SLC24A2: variants seen among roughly 807,000 people sequenced by gnomAD.
SLC24A2 encodes the protein solute carrier family 24 member 2, also known as sodium/potassium/calcium exchanger 2.
A neutral mutation model predicts 62.0 loss-of-function variants in SLC24A2; 36 were observed. The ratio of observed to expected loss-of-function variants is 0.58; its 90% CI spans 0.44 to 0.77. SLC24A2 has a LOEUF of 0.77. Ranked by LOEUF, SLC24A2 falls within the 30% of genes least tolerant of loss-of-function variation. The probability of loss-of-function intolerance (pLI) is 0.00; values close to 1 mark genes in which losing one functional copy is unlikely to be tolerated. For missense variants in SLC24A2, 846 were observed against 817.9 expected, an observed-to-expected ratio of 1.03 and a Z score of -0.42; for synonymous variants, 358 against 294.0, an observed-to-expected ratio of 1.22 and a Z score of -2.23.
chr9:20,259,907 G>A, the SLC24A2 span, among the ~76,000 whole-genome samples: 198 of 152,220 alleles, frequency 1.3e-3, no homozygotes, highest in African/African-American at 4.6e-3. Context: ...TGGGCAACAT[G>A]GCAAAGCCCC....
At chr9:19,814,804 G>T in the SLC24A2 span, among the ~76,000 whole-genome samples, 1 of 152,138 alleles carries the variant, frequency 6.6e-6, no homozygotes, top group Non-Finnish European at 1.5e-5. Context: ...TCCTGTCTAT[G>T]AAGTAAAAAA....
rs1318505339 is a variant in SLC24A2 at position 19,566,537 on chromosome 9, T to G, written c.1347+6814A>C. ...TGGGACTGTAAACTAGTTCAACCATTGTGGAAGACAGTGTGGCGATTCCTC... is the reference window on the plus strand; with the variant it reads ...TGGGACTGTAAACTAGTTCAACCATGGTGGAAGACAGTGTGGCGATTCCTC... On this transcript the variant is annotated intron_variant, in intron 7 of 10. Coordinates refer to ENST00000341998, the MANE Select transcript of SLC24A2 (RefSeq NM_020344.4). 3.3e-5 allele frequency among the ~76,000 whole-genome samples: 5 copies of G among 152,014 alleles called. No individual in the cohort carries two copies. In the South Asian group the frequency reaches 8.3e-4, roughly 25 times the overall value.
chr9:20,044,204 A>G, the SLC24A2 span, among the ~76,000 whole-genome samples: 8 of 152,262 alleles, frequency 5.3e-5, no homozygotes, highest in South Asian at 1.5e-3. Flanking sequence ...TCCACACTTA[A>G]TAGACTATAG....
At chr9:20,010,258 CA>C in the SLC24A2 span, among the ~76,000 whole-genome samples, 1 of 152,088 alleles carries the variant, frequency 6.6e-6, no homozygotes, top group East Asian at 1.9e-4. Flanking sequence ...GGTGTTTCAC[CA>C]CCAAAGAACA....
chr9:19,861,089 A>T, the SLC24A2 span, among the ~76,000 whole-genome samples: 3 of 152,136 alleles, frequency 2.0e-5, no homozygotes, highest in Non-Finnish European at 4.4e-5. Context: ...TTTAGCATAC[A>T]TAACTGGTAG....
the SLC24A2 span, among the ~76,000 whole-genome samples, chr9:20,183,785 G>T: frequency 6.6e-6 from 1 of 152,152 alleles, no homozygotes; most frequent in African/African-American, 2.4e-5. Flanking sequence ...AGGCCTAGAG[G>T]GAGAGAGGGA....
At chr9:20,112,752 T>C in the SLC24A2 span, among the ~76,000 whole-genome samples, 4 of 152,020 alleles carry the variant, frequency 2.6e-5, no homozygotes, top group African/African-American at 9.7e-5. Context: ...AGGTGGCTTG[T>C]CTGAAGGCGA....
Position 19,511,566 on chromosome 9 carries a change from C to T in SLC24A2, c.*4587G>A, listed in dbSNP as rs1297643126. 1 of 152,162 alleles carries T rather than the reference C, an allele frequency of 6.6e-6. No individual in the cohort carries two copies. Among genetic ancestry groups the T allele is most frequent in the African/African-American group, 2.4e-5 (1 of 41,438 alleles). The allele number at this position is 152,162 out of a possible 1,614,324, so 9.4% of individuals were successfully genotyped here. Reference sequence around the variant, plus strand: ...TTATTCTATTTTTTCTCCTACCCCTCTCTTAATGACAAGGCCTTACCTAAT... The same window carrying T: ...TTATTCTATTTTTTCTCCTACCCCTTTCTTAATGACAAGGCCTTACCTAAT... On this transcript the variant is annotated 3_prime_UTR_variant, in exon 11 of 11. Coordinates refer to ENST00000341998, the MANE Select transcript of SLC24A2 (RefSeq NM_020344.4).
chr9:20,052,706 C>T, the SLC24A2 span, among the ~76,000 whole-genome samples: 1 of 152,280 alleles, frequency 6.6e-6, no homozygotes, highest in South Asian at 2.1e-4. Flanking sequence ...TTCCTGGGAT[C>T]CTGGGCATCA....
At chr9:19,836,424 A>G in the SLC24A2 span, among the ~76,000 whole-genome samples, 1 of 152,130 alleles carries the variant, frequency 6.6e-6, no homozygotes, top group African/African-American at 2.4e-5. Flanking sequence ...GAAATACAAA[A>G]GACCATCAGA....
At chr9:20,073,388 T>C in the SLC24A2 span, among the ~76,000 whole-genome samples, 1 of 152,126 alleles carries the variant, frequency 6.6e-6, no homozygotes, top group Non-Finnish European at 1.5e-5. Flanking sequence ...AATTCAAAAG[T>C]CAACTGGTTT....
chr9:20,167,647 A>G, the SLC24A2 span, among the ~76,000 whole-genome samples: 3 of 152,048 alleles, frequency 2.0e-5, no homozygotes, highest in Non-Finnish European at 2.9e-5. Flanking sequence ...CAGGCAAGGT[A>G]TAAGGTGAGA....
the SLC24A2 span, among the ~76,000 whole-genome samples, chr9:19,871,493 T>C: frequency 6.6e-6 from 1 of 152,208 alleles, no homozygotes; most frequent in Admixed American, 6.5e-5. Context: ...TTTCTGCTGC[T>C]ATCTCACATC....
intron 5 of SLC24A2, among the ~76,000 whole-genome samples, chr9:19,588,178 C>CT (rs3085622): frequency 1.6e-4 from 20 of 121,684 alleles, no homozygotes; most frequent in East Asian, 4.4e-4. Flanking sequence ...TTCTTTTTTT[C>CT]TTTTTTTTTT....
the SLC24A2 span, among the ~76,000 whole-genome samples, chr9:20,107,548 A>G: frequency 2.0e-5 from 3 of 152,230 alleles, no homozygotes; most frequent in Non-Finnish European, 2.9e-5. Flanking sequence ...CCGCATATCT[A>G]CAACTATCTG....
At chr9:19,913,750 A>G in the SLC24A2 span, among the ~76,000 whole-genome samples, 248 of 152,232 alleles carry the variant, frequency 1.6e-3, 8 homozygotes, top group African/African-American at 5.5e-3. Flanking sequence ...ATTTTGTTGA[A>G]TAAGGAAACC....
intron 9 of SLC24A2, among the ~76,000 whole-genome samples, chr9:19,526,430 T>C (rs1250509705): frequency 6.6e-6 from 1 of 152,232 alleles, no homozygotes; most frequent in Admixed American, 6.5e-5. Context: ...TGCCAAACTA[T>C]TTCCCAAAGT....
At chr9:19,607,915 G>C (rs963712886) in intron 4 of SLC24A2, among the ~76,000 whole-genome samples, 1 of 152,024 alleles carries the variant, frequency 6.6e-6, no homozygotes, top group Non-Finnish European at 1.5e-5. Context: ...AACACAAAGA[G>C]AGATTCAGTT....
At chr9:19,659,477 G>A (rs1819032080) in intron 2 of SLC24A2, among the ~76,000 whole-genome samples, 1 of 152,016 alleles carries the variant, frequency 6.6e-6, no homozygotes, top group African/African-American at 2.4e-5. Flanking sequence ...ATTTTTTTGA[G>A]TGTGCTGCAT....
Sources: allele counts gnomAD v4.1 joint callset (sites outside exome capture counted in the v4.1 genomes callset), GRCh38; gene constraint gnomAD v4.1.1; transcripts MANE v1.5; gene names NCBI Gene and HGNC (gene_info 2026-07-23, HGNC 2026-07-21).